NPL: variants seen among roughly 807,000 people sequenced by gnomAD.
NPL encodes N-acetylneuraminate lyase.
Under a neutral mutation model 41.1 loss-of-function variants are expected in NPL, and 32 were observed. The observed-to-expected ratio is 0.78, with a 90% confidence interval of 0.59 to 1.05. The LOEUF is 1.05. Among genes scored for constraint, NPL ranks in the 50% least tolerant of loss-of-function variants. The pLI, the probability that NPL is intolerant of heterozygous loss-of-function variation, is 0.00. For missense variants in NPL, 321 were observed against 378.4 expected (o/e 0.85, Z 1.26); for synonymous variants, 128 against 134.9 (o/e 0.95, Z 0.35).
At position 182,799,446 on chromosome 1, in the gene NPL, C is replaced by T. The variant is rs116657745; in HGVS notation, c.69-4252C>T. On this transcript the variant is annotated intron_variant, in intron 3 of 12. Coordinates refer to ENST00000367553, the MANE Select transcript of NPL (RefSeq NM_030769.3). ...GAAAAGTATAAAACTGTGTCTAATA[C>T]GGCCATATTTATACAAGAAAATATA... Among the ~76,000 whole-genome samples, 1,464 of 152,060 alleles carry T rather than the reference C, an allele frequency of 9.6e-3. 26 individuals carry two copies. The highest frequency in any genetic ancestry group is 0.034 in the African/African-American group (1,391 of 41,472).
rs560557655 is a variant in NPL, at chr1:182,822,250, T to G, written c.738+51T>G. The stretch of plus-strand genomic sequence containing the variant: ...AATCACAGCCTTTTTTCTTCCCCAC[T>G]TGAGGATTCTTTTTCTTCTCTCTAC... On this transcript the variant is annotated intron_variant, in intron 11 of 12. Coordinates refer to ENST00000367553, the MANE Select transcript of NPL (RefSeq NM_030769.3). 9 of 1,246,480 alleles carry G rather than the reference T, an allele frequency of 7.2e-6. No homozygotes were observed. The South Asian group carries it at 1.1e-4, about 15-fold the overall frequency. The allele number at this position is 1,246,480 out of a possible 1,614,324, so 77.2% of individuals were successfully genotyped here. A position where few individuals can be genotyped will look rare whatever the true frequency, so the allele number is the denominator to read the frequency against.
intron 3 of NPL, among the ~76,000 whole-genome samples, chr1:182,798,796 C>T (rs1217965919): frequency 6.6e-6 from 1 of 152,142 alleles, no homozygotes; most frequent in Non-Finnish European, 1.5e-5. Flanking sequence ...ACGAGGGGAC[C>T]CAGACTCCCA....
intron 3 of NPL, among the ~76,000 whole-genome samples, 186 bp downstream of exon 3, chr1:182,794,625 C>T (rs1261936855): frequency 6.6e-6 from 1 of 152,242 alleles, no homozygotes; most frequent in Non-Finnish European, 1.5e-5. Context: ...ATATCTCTGA[C>T]CCCAAAGTCA....
At chr1:182,794,188 C>T (rs1164701607) in intron 2 of NPL, among the ~76,000 whole-genome samples, 168 bp from the exon 3 acceptor site, 4 of 152,172 alleles carry the variant, frequency 2.6e-5, no homozygotes, top group Admixed American at 1.3e-4. Context: ...TTAAAGTTTC[C>T]TCCTCAATAG....
chr1:182,812,634 G>A (rs1667209245), intron 6 of NPL, among the ~76,000 whole-genome samples: 1 of 152,186 alleles, frequency 6.6e-6, no homozygotes, highest in Admixed American at 6.6e-5. Context: ...AACACAAAAG[G>A]ATTGCTTGGT....
chr1:182,816,785 C>A lies in NPL; in HGVS notation c.436C>A (p.Pro146Thr), dbSNP rs146355388. The change falls in exon 8 of 13, where the codon CCT becomes ACT. Residue 146 changes from proline to threonine, a missense_variant. Coordinates refer to ENST00000367553, the MANE Select transcript of NPL (RefSeq NM_030769.3). ...PALPFYYYHI[P>T]ALTGVKIRAE... The stretch of plus-strand genomic sequence containing the variant: ...CCTGCCATTTTATTACTATCACATT[C>A]CTGCCTTGACAGGGGTAAAGAGTAA... The A allele has an allele frequency of 5.9e-4, 946 of 1,613,120 alleles. 2 individuals are homozygous for A. Among genetic ancestry groups the A allele is most frequent in the Non-Finnish European group, 6.4e-4 (751 of 1,179,382 alleles).
At position 182,816,758 on chromosome 1, in the gene NPL, G is replaced by A; in HGVS notation, c.409G>A (p.Ala137Thr). ...FLKEVAAAAP[A>T]LPFYYYHIPA... The stretch of plus-strand genomic sequence containing the variant: ...AAAGGAAGTGGCTGCTGCCGCCCCT[G>A]CCCTGCCATTTTATTACTATCACAT... Residue 137 changes from alanine (A) to threonine (T), a missense_variant, in exon 8 of 13, where the codon GCC (alanine) becomes ACC (threonine). Physicochemically the swap from Ala to Thr is moderately conservative, Grantham distance 58. Transcript: ENST00000367553. 6.2e-7 allele frequency: 1 copy of A among 1,612,662 alleles called. No homozygotes were observed. Among genetic ancestry groups the A allele is most frequent in the Non-Finnish European group, 8.5e-7 (1 of 1,179,682 alleles).
chr1:182,823,638 C>T (rs548798905), intron 11 of NPL, among the ~76,000 whole-genome samples: 1 of 152,282 alleles, frequency 6.6e-6, no homozygotes, highest in East Asian at 1.9e-4. Flanking sequence ...TCCACCCTGC[C>T]CAGTTTCCTA....
intron 12 of NPL, among the ~76,000 whole-genome samples, chr1:182,827,890 CAAGT>C (rs1667672094): frequency 6.6e-6 from 1 of 152,168 alleles, no homozygotes; most frequent in Non-Finnish European, 1.5e-5. Context: ...GGTGCCCTAT[CAAGT>C]GAGTTTACAT....
rs191814002 is a variant in NPL at position 182,798,480 on chromosome 1, G to A, written c.68+4041G>A. 9.2e-5 allele frequency among the ~76,000 whole-genome samples: 14 copies of A among 152,140 alleles called. No individual in the cohort carries two copies. The East Asian group carries it at 2.5e-3, about 27-fold the overall frequency. On this transcript the variant is annotated intron_variant, in intron 3 of 12. Transcript: ENST00000367553. ...TGACCTCAAGTGATCCGCCCGTCTC[G>A]GCCTCCCAAGGTGCTGGGATTACAG...
intron 3 of NPL, among the ~76,000 whole-genome samples, chr1:182,803,292 G>A (rs1666906197): frequency 6.6e-6 from 1 of 152,160 alleles, no homozygotes; most frequent in African/African-American, 2.4e-5. Context: ...GGGATCAAAT[G>A]GCAAATGTTA....
intron 8 of NPL, among the ~76,000 whole-genome samples, chr1:182,817,583 G>T (rs1265791173): frequency 6.6e-6 from 1 of 152,206 alleles, no homozygotes; most frequent in East Asian, 1.9e-4. Flanking sequence ...CCACAGGACT[G>T]CCCCCACTTC....
intron 3 of NPL, chr1:182,795,956 A>G (rs1408398590): frequency 6.6e-6 from 1 of 152,136 alleles, no homozygotes; most frequent in Non-Finnish European, 1.5e-5. Context: ...TTTGTTCATC[A>G]GGGACCCACG....
chr1:182,809,772 C>A (rs975655308), intron 5 of NPL: 3 of 152,120 alleles, frequency 2.0e-5, no homozygotes, highest in African/African-American at 4.8e-5. Flanking sequence ...TCATGACAGC[C>A]AGAAGGCTCG....
intron 3 of NPL, among the ~76,000 whole-genome samples, chr1:182,794,962 A>T (rs1356002816): frequency 6.6e-6 from 1 of 152,198 alleles, no homozygotes; most frequent in African/African-American, 2.4e-5. Flanking sequence ...TTACAGCCTC[A>T]TTTCAACATT....
intron 10 of NPL, 130 bp from the exon 11 acceptor site, chr1:182,821,985 A>C: frequency 1.4e-6 from 1 of 719,872 alleles, no homozygotes; most frequent in Non-Finnish European, 2.6e-6. Context: ...CCCCTAATAG[A>C]TTAGGATTCA....
intron 2 of NPL, among the ~76,000 whole-genome samples, chr1:182,793,275 T>C (rs1666566821): frequency 6.6e-6 from 1 of 152,198 alleles, no homozygotes; most frequent in East Asian, 1.9e-4. Context: ...GAACTGAGGC[T>C]GTTAACCAGT....
At chr1:182,817,793 A>G (rs1449581915) in intron 8 of NPL, among the ~76,000 whole-genome samples, 1 of 152,272 alleles carries the variant, frequency 6.6e-6, no homozygotes, top group Non-Finnish European at 1.5e-5. Context: ...AGGGTAAGAT[A>G]TGTGAGAAGG....
At chr1:182,823,516 G>A (rs1667545515) in intron 11 of NPL, among the ~76,000 whole-genome samples, 1 of 152,144 alleles carries the variant, frequency 6.6e-6, no homozygotes, top group African/African-American at 2.4e-5. Context: ...AACAGGGTAG[G>A]GATCTAGGAA....
Sources: gnomAD v4.1 joint callset for allele counts (sites outside exome capture counted in the v4.1 genomes callset) on GRCh38, gnomAD v4.1.1 for gene constraint, MANE v1.5 for transcripts, NCBI Gene and HGNC (gene_info 2026-07-23, HGNC 2026-07-21) for gene names.